The following MRPS28 variants were observed in gnomAD, a reference collection of about 807,000 sequenced individuals.
The protein encoded by MRPS28 is small ribosomal subunit protein bS1m.
In MRPS28, 7 loss-of-function variants were observed where a neutral mutation model predicts 10.8. That is an observed-to-expected ratio of 0.65 (90% CI 0.37 to 1.22). MRPS28 has a LOEUF of 1.22. Ranked by LOEUF, MRPS28 falls within the 50% of genes most tolerant of loss-of-function variation. The pLI, the probability that MRPS28 is intolerant of heterozygous loss-of-function variation, is 0.02. For missense variants in MRPS28, 265 were observed against 232.9 expected, an observed-to-expected ratio of 1.14 and a Z score of -0.90; for synonymous variants, 121 against 93.3, an observed-to-expected ratio of 1.30 and a Z score of -1.71.
chr8:79,945,881 A>T (rs1314970233), intron 2 of MRPS28, among the ~76,000 whole-genome samples: 2 of 152,200 alleles, frequency 1.3e-5, no homozygotes, highest in Non-Finnish European at 2.9e-5. Context: ...TGAACATTTA[A>T]TATGTGCCAA....
chr8:79,968,939 T>C (rs1807565864), intron 2 of MRPS28, among the ~76,000 whole-genome samples: 1 of 152,182 alleles, frequency 6.6e-6, no homozygotes, highest in South Asian at 2.1e-4. Flanking sequence ...ACAAGTTAAT[T>C]GGTCTCTGTG....
chr8:80,007,827 C>G (rs1464763431), intron 1 of MRPS28, among the ~76,000 whole-genome samples: 1 of 152,112 alleles, frequency 6.6e-6, no homozygotes. Context: ...GAATCAATAT[C>G]ATGAAAATGG....
rs759892227 is a variant in MRPS28, at chr8:80,030,111, C to T, written c.138G>A (p.Lys46=). Reference sequence around the variant, plus strand: ...CGCTCGCGAAACCGCCTGCGCGCGTCTTAGGCTCCTTGGCATTGGAACTAC... The same window carrying T: ...CGCTCGCGAAACCGCCTGCGCGCGTTTTAGGCTCCTTGGCATTGGAACTAC... The part of the protein sequence containing the change: ...ESGSSNAKEP[K]TRAGGFASAL... Residue 46 remains lysine (K), a synonymous_variant, in exon 1 of 3, where the codon AAG becomes AAA. Transcript: ENST00000276585. 1.2e-6 allele frequency: 2 copies of T among 1,614,176 alleles called. No individual in the cohort carries two copies. The highest frequency in any genetic ancestry group is 1.7e-6 in the Non-Finnish European group (2 of 1,179,996).
At chr8:80,008,770 AAAC>A (rs995520319) in intron 1 of MRPS28, among the ~76,000 whole-genome samples, 2 of 152,246 alleles carry the variant, frequency 1.3e-5, no homozygotes, top group African/African-American at 4.8e-5. Context: ...AAAAGTCAGG[AAAC>A]AACAGGTACT....
intron 2 of MRPS28, chr8:79,956,448 T>A (rs1807212453): frequency 6.6e-6 from 1 of 152,204 alleles, no homozygotes; most frequent in African/African-American, 2.4e-5. Context: ...AATTTAAAGA[T>A]ACCAAAGACT....
chr8:79,943,845 A>C (rs1480555952), intron 2 of MRPS28, among the ~76,000 whole-genome samples: 1 of 152,234 alleles, frequency 6.6e-6, no homozygotes, highest in African/African-American at 2.4e-5. Context: ...GACTATACTT[A>C]ATGGTCAAGA....
intron 2 of MRPS28, among the ~76,000 whole-genome samples, chr8:79,963,281 GTCT>G (rs1269890241): frequency 1.3e-5 from 2 of 151,990 alleles, no homozygotes; most frequent in Non-Finnish European, 2.9e-5. Context: ...TGATCTTTTA[GTCT>G]TCTTAGCCTA....
chr8:80,029,727 G>A, intron 1 of MRPS28: 1 of 1,437,480 alleles, frequency 7.0e-7, no homozygotes, highest in East Asian at 3.1e-5. Flanking sequence ...AATCGCCCTA[G>A]ATCGCCTCCC....
chr8:79,997,859 A>G (rs1808545479), intron 2 of MRPS28, among the ~76,000 whole-genome samples: 1 of 152,120 alleles, frequency 6.6e-6, no homozygotes, highest in Non-Finnish European at 1.5e-5. Context: ...GTTCAAGACC[A>G]GCCTGGCCAA....
chr8:79,944,123 A>C (rs914396369), intron 2 of MRPS28, among the ~76,000 whole-genome samples: 1 of 152,244 alleles, frequency 6.6e-6, no homozygotes, highest in Non-Finnish European at 1.5e-5. Flanking sequence ...ATGGGGTTCC[A>C]TTTGTGAAAT....
intron 2 of MRPS28, among the ~76,000 whole-genome samples, chr8:79,976,117 A>G (rs1807789646): frequency 6.8e-6 from 1 of 147,444 alleles, no homozygotes; most frequent in African/African-American, 2.5e-5. Context: ...AAGTTTTGCT[A>G]TTGTTGTCCA....
chr8:80,028,671 G>C (rs1253118035), intron 1 of MRPS28: 6 of 142,240 alleles, frequency 4.2e-5, no homozygotes, highest in African/African-American at 1.3e-4. Context: ...GGCCGGGCGG[G>C]GTCAGCCAGG....
At chr8:79,984,911 T>C (rs1054955882) in intron 2 of MRPS28, among the ~76,000 whole-genome samples, 7 of 152,174 alleles carry the variant, frequency 4.6e-5, no homozygotes, top group Non-Finnish European at 1.0e-4. Flanking sequence ...AACTCAGCTT[T>C]GCACCACGCG....
chr8:79,987,083 G>T (rs926791118), intron 2 of MRPS28, among the ~76,000 whole-genome samples: 119 of 152,186 alleles, frequency 7.8e-4, no homozygotes, highest in African/African-American at 2.8e-3. Context: ...CAGAGATATA[G>T]ATCAATGGAA....
chr8:79,953,394 A>T (rs1055292009), intron 2 of MRPS28, among the ~76,000 whole-genome samples: 7 of 152,210 alleles, frequency 4.6e-5, no homozygotes, highest in African/African-American at 1.2e-4. Flanking sequence ...ATGGTACAGA[A>T]TAGAGATACC....
At chr8:79,967,199 A>G (rs1807525049) in intron 2 of MRPS28, among the ~76,000 whole-genome samples, 1 of 152,186 alleles carries the variant, frequency 6.6e-6, no homozygotes, top group Non-Finnish European at 1.5e-5. Flanking sequence ...AGAAGTTAAA[A>G]GAAACACAGA....
At chr8:79,987,006 C>A (rs535283276) in intron 2 of MRPS28, among the ~76,000 whole-genome samples, 16 of 152,164 alleles carry the variant, frequency 1.1e-4, no homozygotes, top group East Asian at 1.9e-4. Context: ...GGAGGCATCA[C>A]GCTACCTGAC....
At chr8:79,994,638 A>T (rs1332512469) in intron 2 of MRPS28, among the ~76,000 whole-genome samples, 1 of 151,984 alleles carries the variant, frequency 6.6e-6, no homozygotes, top group Non-Finnish European at 1.5e-5. Flanking sequence ...TTCCTTACTA[A>T]CTGCCCTCTC....
chr8:80,012,360 G>A (rs1459219736), intron 1 of MRPS28, among the ~76,000 whole-genome samples: 1 of 152,098 alleles, frequency 6.6e-6, no homozygotes, highest in Non-Finnish European at 1.5e-5. Flanking sequence ...GAATCCTAGG[G>A]CTTATGCCAA....
Sources: allele counts gnomAD v4.1 joint callset (sites outside exome capture counted in the v4.1 genomes callset), GRCh38; gene constraint gnomAD v4.1.1; transcripts MANE v1.5; gene names NCBI Gene and HGNC (gene_info 2026-07-23, HGNC 2026-07-21).